MRRF: variants seen among roughly 807,000 people sequenced by gnomAD.
MRRF encodes the protein mitochondrial ribosome recycling factor.
In MRRF, 18 loss-of-function variants were observed where a neutral mutation model predicts 25.1. The ratio of observed to expected loss-of-function variants is 0.72; its 90% CI spans 0.50 to 1.06. The LOEUF (loss-of-function observed/expected upper bound fraction) is 1.06, where lower values mean the gene tolerates loss of function less well. Among genes scored for constraint, MRRF ranks in the 50% least tolerant of loss-of-function variants. The probability of loss-of-function intolerance (pLI) is 0.00; values close to 1 mark genes in which losing one functional copy is unlikely to be tolerated. For missense variants in MRRF, 323 were observed against 319.3 expected, an observed-to-expected ratio of 1.01 and a Z score of -0.09; for synonymous variants, 113 against 112.1, an observed-to-expected ratio of 1.01 and a Z score of -0.05.
At chr9:122,319,824 G>C (rs1835768823) in intron 6 of MRRF, among the ~76,000 whole-genome samples, 1 of 151,006 alleles carries the variant, frequency 6.6e-6, no homozygotes, top group Non-Finnish European at 1.5e-5. Context: ...CTGTCCCCAA[G>C]AACACCTTAT....
chr9:122,295,899 A>G (rs1485715929), intron 5 of MRRF, among the ~76,000 whole-genome samples: 2 of 152,218 alleles, frequency 1.3e-5, no homozygotes, highest in Non-Finnish European at 2.9e-5. Context: ...TTTATTTTCA[A>G]TTGAAGCAGA....
chr9:122,288,725 T>G (rs1833565391), intron 4 of MRRF, among the ~76,000 whole-genome samples: 1 of 152,242 alleles, frequency 6.6e-6, no homozygotes, highest in Admixed American at 6.5e-5. Flanking sequence ...CAGAGTTGAC[T>G]TGAATTTAAA....
intron 1 of MRRF, among the ~76,000 whole-genome samples, chr9:122,270,273 G>A (rs1832369099): frequency 6.6e-6 from 1 of 152,206 alleles, no homozygotes; most frequent in Admixed American, 6.5e-5. Flanking sequence ...TGTTAACACA[G>A]GAGAGGGTGG....
intron 5 of MRRF, among the ~76,000 whole-genome samples, chr9:122,301,173 G>A (rs1354400995): frequency 6.6e-6 from 1 of 152,112 alleles, no homozygotes; most frequent in Admixed American, 6.5e-5. Flanking sequence ...CAGTAAAAAA[G>A]CCTTGAGTTA....
intron 5 of MRRF, among the ~76,000 whole-genome samples, chr9:122,302,872 A>G (rs1239806618): frequency 6.6e-6 from 1 of 152,142 alleles, no homozygotes; most frequent in Non-Finnish European, 1.5e-5. Context: ...TCCTTTGCCA[A>G]CACTTGTTAT....
At chr9:122,314,075 A>G (rs530173103) in intron 6 of MRRF, among the ~76,000 whole-genome samples, 1 of 152,336 alleles carries the variant, frequency 6.6e-6, no homozygotes, top group Admixed American at 6.5e-5. Flanking sequence ...AGACTGTCCC[A>G]CATTGGCTGT....
At chr9:122,307,969 A>G (rs1196770472) in intron 5 of MRRF, among the ~76,000 whole-genome samples, 1 of 152,172 alleles carries the variant, frequency 6.6e-6, no homozygotes, top group South Asian at 2.1e-4. Context: ...AGGAAGTATC[A>G]TTTCAGTCAG....
At chr9:122,268,621 T>C (rs1045383347) in intron 1 of MRRF, among the ~76,000 whole-genome samples, 5 of 152,230 alleles carry the variant, frequency 3.3e-5, no homozygotes, top group Non-Finnish European at 7.3e-5. Context: ...AAAATGGGGA[T>C]TATTATACGT....
At chr9:122,309,608 A>T (rs1835081007) in intron 5 of MRRF, among the ~76,000 whole-genome samples, 1 of 152,200 alleles carries the variant, frequency 6.6e-6, no homozygotes, top group African/African-American at 2.4e-5. Flanking sequence ...ATTTTTGTAG[A>T]ACCTCTATAT....
Position 122,322,845 on chromosome 9 carries a change from C to T in MRRF, c.*228C>T. On this transcript the variant is annotated 3_prime_UTR_variant, in exon 7 of 7. Transcript: ENST00000344641. The stretch of plus-strand genomic sequence containing the variant: ...GCTCTCAGAAAATACTTGCTGCTGG[C>T]AAAAGGCCTGTACTCAGGCATTTGC... The T allele has an allele frequency of 1.6e-6, 1 of 611,978 alleles. No homozygotes were observed. The highest frequency in any genetic ancestry group is 2.9e-6 in the Non-Finnish European group (1 of 339,786). 37.9% of individuals were successfully genotyped at this position (611,978 alleles called of 1,614,324 possible). A position where few individuals can be genotyped will look rare whatever the true frequency, so the allele number is the denominator to read the frequency against.
chr9:122,322,146 G>T (rs1014575476), intron 6 of MRRF, among the ~76,000 whole-genome samples: 1 of 152,076 alleles, frequency 6.6e-6, no homozygotes, highest in South Asian at 2.1e-4. Context: ...GGATCACGAG[G>T]TCAGGAGATT....
At chr9:122,288,255 A>G (rs745993425) in intron 4 of MRRF, among the ~76,000 whole-genome samples, 18 of 121,310 alleles carry the variant, frequency 1.5e-4, no homozygotes, top group Non-Finnish European at 3.3e-4. Flanking sequence ...AATAAAAATA[A>G]AAAACCACGC....
intron 2 of MRRF, among the ~76,000 whole-genome samples, chr9:122,274,191 TAACCTTAAGA>T: frequency 6.6e-6 from 1 of 152,222 alleles, no homozygotes; most frequent in Non-Finnish European, 1.5e-5. Context: ...TCTTATATGT[TAACCTTAAGA>T]GTTATGTATG....
chr9:122,287,450 C>T (rs1236971549), intron 4 of MRRF, among the ~76,000 whole-genome samples: 2 of 152,194 alleles, frequency 1.3e-5, no homozygotes, highest in African/African-American at 4.8e-5. Flanking sequence ...CCCCTCTGAA[C>T]CACTGAGGCC....
chr9:122,275,171 A>G (rs1287628957), intron 2 of MRRF, among the ~76,000 whole-genome samples: 2 of 151,676 alleles, frequency 1.3e-5, no homozygotes, highest in African/African-American at 4.9e-5. Context: ...ATTACTAACT[A>G]TAGTCCTCCT....
chr9:122,288,261 C>T (rs1833537282), intron 4 of MRRF, among the ~76,000 whole-genome samples: 1 of 152,044 alleles, frequency 6.6e-6, no homozygotes, highest in Admixed American at 6.6e-5. Context: ...AATAAAAAAC[C>T]ACGCACAACT....
chr9:122,304,677 CCT>C (rs928652008), intron 5 of MRRF, among the ~76,000 whole-genome samples: 1 of 152,152 alleles, frequency 6.6e-6, no homozygotes, highest in African/African-American at 2.4e-5. Context: ...CCATAAATTC[CCT>C]CTCTTCTTTC....
intron 2 of MRRF, 35 bp downstream of exon 2, chr9:122,271,110 C>G: frequency 6.4e-7 from 1 of 1,573,436 alleles, no homozygotes; most frequent in Non-Finnish European, 8.8e-7. Flanking sequence ...TACTTCACCC[C>G]TTTCTTATAG....
intron 3 of MRRF, 34 bp downstream of exon 3, chr9:122,280,632 G>A: frequency 1.9e-6 from 3 of 1,605,208 alleles, no homozygotes; most frequent in Non-Finnish European, 2.6e-6. Flanking sequence ...GGGGAGGGAT[G>A]TAATGGAAAG....
Sources: gnomAD v4.1 joint callset for allele counts (sites outside exome capture counted in the v4.1 genomes callset) on GRCh38, gnomAD v4.1.1 for gene constraint, MANE v1.5 for transcripts, NCBI Gene and HGNC (gene_info 2026-07-23, HGNC 2026-07-21) for gene names.